The following ZNF107 variants were observed in gnomAD, a reference collection of about 807,000 sequenced individuals.
ZNF107 encodes zinc finger protein 107.
A neutral mutation model predicts 12.3 loss-of-function variants in ZNF107; 19 were observed. That is an observed-to-expected ratio of 1.55 (90% CI 1.08 to 2.27). ZNF107 has a LOEUF of 2.27. Among genes scored for constraint, ZNF107 ranks in the 30% most tolerant of loss-of-function variants. The pLI is 0.00. For synonymous variants in ZNF107, 317 were observed against 330.5 expected (o/e 0.96, Z 0.44); for missense variants, 958 against 979.9 (o/e 0.98, Z 0.30).
chr7:64,671,678 A>G (rs529790620), intron 1 of ZNF107, among the ~76,000 whole-genome samples: 9 of 151,666 alleles, frequency 5.9e-5, no homozygotes, highest in Non-Finnish European at 1.3e-4. Context: ...GCAGTTTGTT[A>G]TATAGGTAAA....
chr7:64,671,022 A>G (rs1584460702), intron 1 of ZNF107, among the ~76,000 whole-genome samples: 1 of 152,254 alleles, frequency 6.6e-6, no homozygotes, highest in East Asian at 1.9e-4. Context: ...ATGTTAAACA[A>G]TGTGTTAGTT....
intron 1 of ZNF107, among the ~76,000 whole-genome samples, chr7:64,688,329 T>C (rs1789997813): frequency 6.7e-6 from 1 of 150,064 alleles, no homozygotes; most frequent in Non-Finnish European, 1.5e-5. Context: ...TGATCTCGGC[T>C]CACTGCAACC....
At position 64,709,921 on chromosome 7, in the gene ZNF107, C is replaced by A. The variant is rs1790829004; in HGVS notation, c.*1265C>A. The A allele has an allele frequency of 3.2e-6, 1 of 314,614 alleles. No homozygotes were observed. Among genetic ancestry groups the A allele is most frequent in the South Asian group, 2.5e-5 (1 of 39,788 alleles). 19.5% of individuals were successfully genotyped at this position (314,614 alleles called of 1,614,324 possible). A position where few individuals can be genotyped will look rare whatever the true frequency, so the allele number is the denominator to read the frequency against. ...GGGTGGATCACCTGAGGGCAGGAGT[C>A]TGAGACCAGCCTGGCCAACATAGCA... On this transcript the variant is annotated 3_prime_UTR_variant, in exon 4 of 4. Transcript: ENST00000620827.
chr7:64,698,270 T>C (rs1235604588), intron 3 of ZNF107, among the ~76,000 whole-genome samples: 2 of 151,364 alleles, frequency 1.3e-5, no homozygotes, highest in African/African-American at 4.8e-5. Context: ...TCAACTTTAT[T>C]GTTCAGTTTT....
At chr7:64,671,929 C>T (rs1789245382) in intron 1 of ZNF107, among the ~76,000 whole-genome samples, 1 of 151,634 alleles carries the variant, frequency 6.6e-6, no homozygotes, top group African/African-American at 2.4e-5. Flanking sequence ...CTACAGGTGC[C>T]CGCCACCAAG....
chr7:64,700,060 C>CCAAAAAAAA (rs1790421305), intron 3 of ZNF107, among the ~76,000 whole-genome samples: 1 of 96,830 alleles, frequency 1.0e-5, no homozygotes, highest in Non-Finnish European at 1.9e-5. Context: ...GACTCCATCT[C>CCAAAAAAAA]AAAAAAAAAA....
At chr7:64,705,114 G>A (rs1324087803) in intron 3 of ZNF107, among the ~76,000 whole-genome samples, 1 of 152,050 alleles carries the variant, frequency 6.6e-6, no homozygotes, top group Non-Finnish European at 1.5e-5. Context: ...TTTTCTTGAC[G>A]TATTCACTGG....
In ZNF107 at chr7:64,682,197, G is replaced by A. The variant is rs142038227; in HGVS notation, c.4-9051G>A. Among the ~76,000 whole-genome samples, 462 of 151,900 alleles carry A rather than the reference G, an allele frequency of 3.0e-3. 5 individuals carry two copies. The highest frequency in any genetic ancestry group is 9.7e-3 in the African/African-American group (403 of 41,382). ...CAGCATTTAGACTCTAAAGGGTACC[G>A]AATGTCCCCTTCTAAAGCTCAAATT... On this transcript the variant is annotated intron_variant, in intron 1 of 3. Coordinates refer to ENST00000620827, the MANE Select transcript of ZNF107 (RefSeq NM_001282359.2).
rs1448616977 is a variant in ZNF107, at chr7:64,685,373, T to C, written c.4-5875T>C. Among the ~76,000 whole-genome samples, 4 of 152,126 alleles carry C rather than the reference T, an allele frequency of 2.6e-5. No individual in the cohort carries two copies. In the East Asian group the frequency reaches 7.7e-4, roughly 29 times the overall value. ...CAAACAGCTACATTCAAACAGCCTG[T>C]CCGCTTCTCAAAGCCCCCAGAAGTC... On this transcript the variant is annotated intron_variant, in intron 1 of 3. Coordinates refer to ENST00000620827, the MANE Select transcript of ZNF107 (RefSeq NM_001282359.2).
intron 1 of ZNF107, among the ~76,000 whole-genome samples, chr7:64,682,672 C>T (rs1469337912): frequency 3.3e-5 from 5 of 152,250 alleles, no homozygotes; most frequent in South Asian, 2.1e-4. Context: ...CATGCTGCAG[C>T]GGCCACTGCC....
chr7:64,704,289 A>G (rs1215318707), intron 3 of ZNF107, among the ~76,000 whole-genome samples: 1 of 152,130 alleles, frequency 6.6e-6, no homozygotes, highest in African/African-American at 2.4e-5. Context: ...CTCTGTCGCC[A>G]GGCTAGAGTG....
At chr7:64,702,597 G>C (rs2128967053) in intron 3 of ZNF107, among the ~76,000 whole-genome samples, 1 of 150,262 alleles carries the variant, frequency 6.7e-6, no homozygotes, top group Non-Finnish European at 1.5e-5. Context: ...TTTCGCTCTT[G>C]TTCAGGCTGA....
intron 1 of ZNF107, chr7:64,690,503 A>C (rs1049241233): frequency 4.1e-6 from 4 of 985,234 alleles, no homozygotes; most frequent in Non-Finnish European, 4.8e-6. Context: ...CGAATTCCAC[A>C]AGGAGATAAA....
chr7:64,707,751 C>T lies in ZNF107; in HGVS notation c.1654C>T (p.Leu552Phe), dbSNP rs746164496. ...CGKAFNRFST[L>F]TKHKRIHTGE... is the part of the protein sequence containing the mutation. Reference sequence around the variant, plus strand: ...CAAAGCTTTTAACCGATTCTCAACCCTTACTAAACATAAGAGAATTCATAC... The same window carrying T: ...CAAAGCTTTTAACCGATTCTCAACCTTTACTAAACATAAGAGAATTCATAC... The change falls in exon 4 of 4, where the codon CTT (leucine) becomes TTT (phenylalanine). Residue 552 changes from leucine to phenylalanine, a missense_variant. Leu to Phe is a conservative substitution (Grantham distance 22). Transcript: ENST00000620827. 15 of 1,612,230 alleles carry T rather than the reference C, an allele frequency of 9.3e-6. No individual in the cohort carries two copies. Among genetic ancestry groups the T allele is most frequent in the Non-Finnish European group, 1.2e-5 (14 of 1,179,460 alleles).
intron 3 of ZNF107, among the ~76,000 whole-genome samples, chr7:64,697,901 C>T (rs1584485530): frequency 1.3e-5 from 2 of 152,222 alleles, no homozygotes; most frequent in South Asian, 4.2e-4. Flanking sequence ...ACCGTGGTCT[C>T]GAACTCCTGA....
intron 3 of ZNF107, among the ~76,000 whole-genome samples, chr7:64,696,621 A>G (rs879916489): frequency 5.3e-5 from 8 of 151,888 alleles, no homozygotes; most frequent in Non-Finnish European, 1.2e-4. Flanking sequence ...ATACCCGTTA[A>G]GTAACAACTG....
At chr7:64,671,625 A>AT (rs1336484010) in intron 1 of ZNF107, among the ~76,000 whole-genome samples, 2 of 151,986 alleles carry the variant, frequency 1.3e-5, no homozygotes, top group African/African-American at 2.4e-5. Flanking sequence ...CCACCCATGG[A>AT]TTTTTTTCCT....
chr7:64,706,532 C>G lies in ZNF107; in HGVS notation c.435C>G (p.Phe145Leu). The stretch of plus-strand genomic sequence containing the variant: ...TGACAGCTACCCCAAGCAAAATATT[C>G]CAGTGTAATAAATATGTGAAAGTCT... ...QCLTATPSKI[F>L]QCNKYVKVFD... The change falls in exon 4 of 4, where the codon TTC becomes TTG. Residue 145 changes from phenylalanine to leucine, a missense_variant. Transcript: ENST00000620827. 2 of 1,609,778 alleles carry G rather than the reference C, an allele frequency of 1.2e-6. No individual in the cohort carries two copies. The highest frequency in any genetic ancestry group is 1.7e-6 in the Non-Finnish European group (2 of 1,177,978).
intron 1 of ZNF107, among the ~76,000 whole-genome samples, chr7:64,672,272 T>G (rs1183588910): frequency 6.6e-6 from 1 of 152,192 alleles, no homozygotes; most frequent in Non-Finnish European, 1.5e-5. Flanking sequence ...GGACGTGCTC[T>G]TGTTCTTTTT....
Sources: gnomAD v4.1 joint callset for allele counts (sites outside exome capture counted in the v4.1 genomes callset) on GRCh38, gnomAD v4.1.1 for gene constraint, MANE v1.5 for transcripts, NCBI Gene and HGNC (gene_info 2026-07-23, HGNC 2026-07-21) for gene names.